EFR3B: variants seen among roughly 807,000 people sequenced by gnomAD.
EFR3B encodes the protein protein EFR3 homolog B.
Under a neutral mutation model 104.7 loss-of-function variants are expected in EFR3B, and 64 were observed. The observed-to-expected ratio is 0.61, with a 90% CI of 0.50 to 0.75. The LOEUF (loss-of-function observed/expected upper bound fraction) is 0.75. Among genes scored for constraint, EFR3B ranks in the 30% least tolerant of loss-of-function variants. The pLI is 0.00. For missense variants in EFR3B, 750 were observed against 1,078.5 expected, an observed-to-expected ratio of 0.70 and a Z score of 4.27; for synonymous variants, 385 against 417.9, an observed-to-expected ratio of 0.92 and a Z score of 0.96.
At chr2:25,080,091 A>G in intron 1 of EFR3B, 1 of 945,784 alleles carries the variant, frequency 1.1e-6, no homozygotes, top group Non-Finnish European at 1.7e-6. Flanking sequence ...CAGGTATTTC[A>G]ATTTCCACAT....
intron 20 of EFR3B, 32 bp downstream of exon 20, chr2:25,149,774 G>C (rs1408169779): frequency 1.3e-6 from 2 of 1,546,944 alleles, no homozygotes; most frequent in East Asian, 4.9e-5. Flanking sequence ...CTGGTTAGAG[G>C]GCAAAATGGG....
intron 6 of EFR3B, among the ~76,000 whole-genome samples, chr2:25,129,555 C>G (rs775114513): frequency 5.3e-5 from 8 of 151,982 alleles, no homozygotes; most frequent in African/African-American, 1.9e-4. Context: ...CCTTTTCCCT[C>G]CCTCTCTTTC....
chr2:25,154,239 C>A lies in EFR3B; in HGVS notation c.2353C>A (p.Pro785Thr). Residue 785 changes from proline to threonine, a missense_variant, in exon 23 of 23, where the codon CCA (proline) becomes ACA (threonine). Physicochemically the swap from Pro to Thr is conservative, Grantham distance 38. Coordinates refer to ENST00000403714, the MANE Select transcript of EFR3B (RefSeq NM_014971.2). This position sits in a 1 kb window ranked among gnomAD's most constrained non-coding sequence, Gnocchi z 4.1. The part of the protein sequence containing the change: ...NQIFEITIRP[P>T]PSPSGTITAA... ...CCATGTGTTCCTGCCCCCTAGGCCC[C>A]CACCAAGCCCATCAGGAACCATCAC... The A allele has an allele frequency of 6.4e-7, 1 of 1,551,826 alleles. No homozygotes were observed. The highest frequency in any genetic ancestry group is 8.7e-7 in the Non-Finnish European group (1 of 1,147,024).
chr2:25,140,621 A>G (rs1573233397), intron 16 of EFR3B, among the ~76,000 whole-genome samples: 1 of 152,284 alleles, frequency 6.6e-6, no homozygotes, highest in East Asian at 1.9e-4. Context: ...AAAAATTTGC[A>G]AAGAGTACTG....
chr2:25,149,116 C>T (rs1360345430), intron 19 of EFR3B, among the ~76,000 whole-genome samples: 5 of 151,750 alleles, frequency 3.3e-5, no homozygotes, highest in Non-Finnish European at 7.4e-5. Flanking sequence ...TTTGGGAGGC[C>T]GAGGCGGGCA....
rs558454217 is a variant in EFR3B, at chr2:25,100,000, C to G, written c.213-3637C>G. On this transcript the variant is annotated intron_variant, in intron 3 of 22. Transcript: ENST00000403714. ...GGTGGGTCACCTGAGGTCAGGAGTTCAAGACCAACCTGGTCAACATGGTGA... is the reference window on the plus strand; with the variant it reads ...GGTGGGTCACCTGAGGTCAGGAGTTGAAGACCAACCTGGTCAACATGGTGA... 6.6e-5 allele frequency among the ~76,000 whole-genome samples: 10 copies of G among 151,954 alleles called. No individual in the cohort carries two copies. The South Asian group carries it at 1.5e-3, about 22-fold the overall frequency.
chr2:25,128,904 G>C (rs1356361148), intron 6 of EFR3B, among the ~76,000 whole-genome samples: 3 of 132,102 alleles, frequency 2.3e-5, no homozygotes, highest in African/African-American at 8.6e-5. Context: ...AACTTGCAGT[G>C]AGCCGAGATC....
intron 3 of EFR3B, among the ~76,000 whole-genome samples, chr2:25,102,147 G>A (rs1261919779): frequency 5.3e-5 from 8 of 152,144 alleles, no homozygotes; most frequent in African/African-American, 1.9e-4. Context: ...TCCTGTAAAG[G>A]CTAGTTTGGG....
At chr2:25,059,574 G>GA (rs1284586120) in intron 1 of EFR3B, among the ~76,000 whole-genome samples, 3 of 85,564 alleles carry the variant, frequency 3.5e-5, no homozygotes, top group South Asian at 6.0e-4. Flanking sequence ...AGGGACTGCG[G>GA]GGGGGGGGGG....
chr2:25,136,489 A>G lies in EFR3B; in HGVS notation c.1485-34A>G. 4 of 1,533,430 alleles carry G rather than the reference A, an allele frequency of 2.6e-6. No individual in the cohort carries two copies. The highest frequency in any genetic ancestry group is 3.5e-6 in the Non-Finnish European group (4 of 1,131,142). 95.0% of individuals were successfully genotyped at this position (1,533,430 alleles called of 1,614,324 possible). On this transcript the variant is annotated intron_variant, in intron 13 of 22. Coordinates refer to ENST00000403714, the MANE Select transcript of EFR3B (RefSeq NM_014971.2). The surrounding 1 kb of genome is among the most constrained non-coding windows in gnomAD (Gnocchi z 4.0). Reference sequence around the variant, plus strand: ...GTGTGAGCTCAGGCTGGCCTCATGCAAGGGCTAAGGAGGCCCTTTGCATCC... The same window carrying G: ...GTGTGAGCTCAGGCTGGCCTCATGCGAGGGCTAAGGAGGCCCTTTGCATCC...
chr2:25,068,520 A>G (rs572148899), intron 1 of EFR3B, among the ~76,000 whole-genome samples: 33 of 152,256 alleles, frequency 2.2e-4, no homozygotes, highest in Middle Eastern at 3.4e-3. Context: ...GCATAAGATA[A>G]CTGGGTTTAA....
At chr2:25,129,297 A>G (rs957553350) in intron 6 of EFR3B, among the ~76,000 whole-genome samples, 3 of 128,630 alleles carry the variant, frequency 2.3e-5, no homozygotes, top group Non-Finnish European at 4.8e-5. Context: ...ATCCCAGGCT[A>G]CTAGAGCTAG....
At chr2:25,065,092 G>T (rs1035928133) in intron 1 of EFR3B, among the ~76,000 whole-genome samples, 1 of 152,056 alleles carries the variant, frequency 6.6e-6, no homozygotes, top group African/African-American at 2.4e-5. Flanking sequence ...GGGGGGCGGG[G>T]CACACCAAGG....
chr2:25,078,883 T>C (rs571441572), intron 1 of EFR3B, among the ~76,000 whole-genome samples: 26 of 152,196 alleles, frequency 1.7e-4, no homozygotes, highest in African/African-American at 6.0e-4. Context: ...TCCTGCCCCT[T>C]CAACATCTCC....
In EFR3B at chr2:25,136,396, C is replaced by T. The variant is rs2149207816; in HGVS notation, c.1485-127C>T. 2 of 667,802 alleles carry T rather than the reference C, an allele frequency of 3.0e-6. No homozygotes were observed. Among genetic ancestry groups the T allele is most frequent in the Non-Finnish European group, 5.0e-6 (2 of 397,882 alleles). The allele number at this position is 667,802 out of a possible 1,614,324, so 41.4% of individuals were successfully genotyped here. A position where few individuals can be genotyped will look rare whatever the true frequency, so the allele number is the denominator to read the frequency against. On this transcript the variant is annotated intron_variant, in intron 13 of 22. Coordinates refer to ENST00000403714, the MANE Select transcript of EFR3B (RefSeq NM_014971.2). This position sits in a 1 kb window ranked among gnomAD's most constrained non-coding sequence, Gnocchi z 4.0. The stretch of plus-strand genomic sequence containing the variant: ...GAGGAAAAGGTAATCGGGCTGAGAA[C>T]CAGGGCCAGGGGAGCACTGGAGGCT...
At chr2:25,140,729 T>C (rs1670638748) in intron 16 of EFR3B, among the ~76,000 whole-genome samples, 1 of 152,124 alleles carries the variant, frequency 6.6e-6, no homozygotes, top group Non-Finnish European at 1.5e-5. Flanking sequence ...TACATTCCTT[T>C]GTACCTGTTT....
rs747652129 is a variant in EFR3B at position 25,140,620 on chromosome 2, CAA to C, written c.1855-744_1855-743del. On this transcript the variant is annotated intron_variant, in intron 16 of 22. Coordinates refer to ENST00000403714, the MANE Select transcript of EFR3B (RefSeq NM_014971.2). ...TTGCACTTTTCTTGTCAAAAATTTG[CAA>C]AGAGTACTGAGTAAAGCTCAAGATG... is the stretch of plus-strand genomic sequence containing the variant. 9.2e-5 allele frequency among the ~76,000 whole-genome samples: 14 copies of C among 152,274 alleles called. No homozygotes were observed. The East Asian group carries it at 1.7e-3, about 19-fold the overall frequency.
In EFR3B at chr2:25,130,286, G is replaced by A. The variant is rs1403232509; in HGVS notation, c.770+177G>A. Among the ~76,000 whole-genome samples the A allele has an allele frequency of 1.3e-5, 2 of 152,230 alleles. No homozygotes were observed. The highest frequency in any genetic ancestry group is 2.9e-5 in the Non-Finnish European group (2 of 68,038). ...CTGTGACAGCAAAAGCTGCCACAGG[G>A]TGGCCAACTGCTGCCAGTAGGAAGG... On this transcript the variant is annotated intron_variant, in intron 7 of 22. Coordinates refer to ENST00000403714, the MANE Select transcript of EFR3B (RefSeq NM_014971.2). This position sits in a 1 kb window ranked among gnomAD's most constrained non-coding sequence, Gnocchi z 4.6.
At chr2:25,125,766 G>T (rs1371365522) in intron 5 of EFR3B, among the ~76,000 whole-genome samples, 3 of 152,182 alleles carry the variant, frequency 2.0e-5, no homozygotes, top group Admixed American at 1.3e-4. Flanking sequence ...GGCTAACACG[G>T]TGAAACCCTG....
Sources: allele counts gnomAD v4.1 joint callset (sites outside exome capture counted in the v4.1 genomes callset), GRCh38; gene constraint gnomAD v4.1.1; non-coding constraint Gnocchi (gnomAD v3.1); transcripts MANE v1.5; gene names NCBI Gene and HGNC (gene_info 2026-07-23, HGNC 2026-07-21).